The following TAAR1 variants were observed in gnomAD, a reference collection of about 807,000 sequenced individuals.
TAAR1 encodes trace amine-associated receptor 1.
In TAAR1, 1 loss-of-function variant was observed where a neutral mutation model predicts 1.2. That is an observed-to-expected ratio of 0.81 (90% CI 0.29 to 3.86). TAAR1 has a LOEUF of 3.86. Among genes scored for constraint, TAAR1 ranks in the 30% most tolerant of loss-of-function variants. TAAR1 has a pLI of 0.18. For missense variants in TAAR1, 445 were observed against 405.6 expected (o/e 1.10, Z -0.83); for synonymous variants, 153 against 132.2 (o/e 1.16, Z -1.08).
chr6:132,647,660 GAA>G (rs1161172846), intron 1 of TAAR1, among the ~76,000 whole-genome samples: 2 of 146,332 alleles, frequency 1.4e-5, no homozygotes, highest in Admixed American at 1.4e-4. Context: ...AAGAAAGAAA[GAA>G]AGAAAGAAAG....
intron 1 of TAAR1, among the ~76,000 whole-genome samples, chr6:132,648,590 G>A (rs1777714113): frequency 1.3e-5 from 2 of 152,140 alleles, no homozygotes; most frequent in Admixed American, 6.6e-5. Context: ...TTGATAGTAT[G>A]AATGCCACAT....
intron 1 of TAAR1, among the ~76,000 whole-genome samples, chr6:132,652,306 CT>C (rs11458413): frequency 0.076 from 10,627 of 139,784 alleles, 454 homozygotes; most frequent in East Asian, 0.11. Flanking sequence ...AGATATTCTG[CT>C]TTTTTTTTTT....
In TAAR1 at chr6:132,645,407, A is replaced by C. The variant is rs1444318017; in HGVS notation, c.597T>G (p.Phe199Leu). The change falls in exon 2 of 2, where the codon TTT becomes TTG. Residue 199 changes from phenylalanine (F) to leucine (L), a missense_variant. Coordinates refer to ENST00000275216, the MANE Select transcript of TAAR1 (RefSeq NM_138327.4). ...ISGVLTFMTS[F>L]YIPGSIMLCV... ...ATAACATAATAGATCCAGGTATATA[A>C]AAAGAAGTCATAAAGGTCAGTACCC... 1.2e-6 allele frequency: 2 copies of C among 1,613,570 alleles called. No homozygotes were observed. Among genetic ancestry groups the C allele is most frequent in the Non-Finnish European group, 1.7e-6 (2 of 1,179,796 alleles).
chr6:132,645,713 T>G lies in TAAR1; in HGVS notation c.291A>C (p.Lys97Asn), dbSNP rs1289210086. Residue 97 changes from lysine to asparagine, a missense_variant, in exon 2 of 2, where the codon AAA (lysine) becomes AAC (asparagine). Transcript: ENST00000275216. ...HCWYFGEVFC[K>N]IHTSTDIMLS... ...GCATAATGTCGGTGCTTGTGTGAATTTTACAGAAGACTTCTCCAAAATACC... is the reference window on the plus strand; with the variant it reads ...GCATAATGTCGGTGCTTGTGTGAATGTTACAGAAGACTTCTCCAAAATACC... 9 of 1,613,632 alleles carry G rather than the reference T, an allele frequency of 5.6e-6. No homozygotes were observed. In the Admixed American group the frequency reaches 1.2e-4, roughly 21 times the overall value.
At chr6:132,646,624 A>AT (rs1308459855) in intron 1 of TAAR1, among the ~76,000 whole-genome samples, 1 of 152,186 alleles carries the variant, frequency 6.6e-6, no homozygotes, top group Non-Finnish European at 1.5e-5. Flanking sequence ...TTTATAATTA[A>AT]TTGTAATAAG....
At chr6:132,654,355 C>G (rs1006658306) in intron 1 of TAAR1, among the ~76,000 whole-genome samples, 3 of 152,166 alleles carry the variant, frequency 2.0e-5, no homozygotes, top group Non-Finnish European at 2.9e-5. Flanking sequence ...CTCTCGTGCT[C>G]TATGTCATGT....
At chr6:132,658,745 C>T (rs1777837156) in intron 1 of TAAR1, among the ~76,000 whole-genome samples, 1 of 152,006 alleles carries the variant, frequency 6.6e-6, no homozygotes, top group Admixed American at 6.6e-5. Flanking sequence ...TAAAACTAGC[C>T]AATGTACACA....
At chr6:132,656,541 G>A (rs1429378768) in intron 1 of TAAR1, among the ~76,000 whole-genome samples, 1 of 152,004 alleles carries the variant, frequency 6.6e-6, no homozygotes, top group Non-Finnish European at 1.5e-5. Flanking sequence ...AACATGTACT[G>A]AGCACAAAAG....
At chr6:132,659,076 C>A (rs1178650497) in intron 1 of TAAR1, among the ~76,000 whole-genome samples, 54 bp downstream of exon 1, 1 of 151,972 alleles carries the variant, frequency 6.6e-6, no homozygotes, top group Non-Finnish European at 1.5e-5. Context: ...CTACTTTAGG[C>A]CTTTGGGTTA....
intron 1 of TAAR1, among the ~76,000 whole-genome samples, chr6:132,657,618 G>A (rs1214524982): frequency 1.3e-5 from 2 of 151,766 alleles, no homozygotes; most frequent in South Asian, 4.2e-4. Context: ...CATAAATAGG[G>A]ATACACACTC....
chr6:132,651,465 A>G (rs1299573051), intron 1 of TAAR1, among the ~76,000 whole-genome samples: 1 of 152,126 alleles, frequency 6.6e-6, no homozygotes, highest in Non-Finnish European at 1.5e-5. Flanking sequence ...TGCTCTCTAT[A>G]TATCTAGAAC....
intron 1 of TAAR1, among the ~76,000 whole-genome samples, chr6:132,655,713 G>T (rs1343786145): frequency 2.6e-5 from 4 of 152,164 alleles, no homozygotes; most frequent in African/African-American, 9.7e-5. Flanking sequence ...GAGAAGCAAA[G>T]ACATAAGCAA....
chr6:132,644,899 C>A lies in TAAR1; in HGVS notation c.*85G>T. 2.7e-6 allele frequency: 3 copies of A among 1,131,488 alleles called. No homozygotes were observed. The highest frequency in any genetic ancestry group is 3.6e-6 in the Non-Finnish European group (3 of 823,352). 70.1% of individuals were successfully genotyped at this position (1,131,488 alleles called of 1,614,324 possible). A position where few individuals can be genotyped will look rare whatever the true frequency, so the allele number is the denominator to read the frequency against. On this transcript the variant is annotated 3_prime_UTR_variant, in exon 2 of 2. Transcript: ENST00000275216. ...CAAGTAACTGATTTAAAAAAAAATC[C>A]ATGTGGTTGGTGCATGTGGTTCGTT...
intron 1 of TAAR1, among the ~76,000 whole-genome samples, chr6:132,651,159 G>T (rs148268227): frequency 6.6e-6 from 1 of 152,052 alleles, no homozygotes; most frequent in Non-Finnish European, 1.5e-5. Context: ...TCACCACCCC[G>T]CTGTGGTTCT....
At chr6:132,646,417 C>T (rs138572771) in intron 1 of TAAR1, among the ~76,000 whole-genome samples, 37 of 152,166 alleles carry the variant, frequency 2.4e-4, no homozygotes, top group African/African-American at 8.4e-4. Flanking sequence ...TCTATGGAAA[C>T]AATCTGTGTC....
At chr6:132,649,000 A>G (rs1036764888) in intron 1 of TAAR1, among the ~76,000 whole-genome samples, 1 of 152,178 alleles carries the variant, frequency 6.6e-6, no homozygotes, top group Non-Finnish European at 1.5e-5. Context: ...TCTGTCTAGC[A>G]AGGCAGGAAA....
In TAAR1 at chr6:132,645,563, A is replaced by T; in HGVS notation, c.441T>A (p.Ser147Arg). 4.3e-6 allele frequency: 7 copies of T among 1,613,702 alleles called. No homozygotes were observed. The highest frequency in any genetic ancestry group is 5.9e-6 in the Non-Finnish European group (7 of 1,179,814). The change falls in exon 2 of 2, where the codon AGT becomes AGA. Residue 147 changes from serine to arginine, a missense_variant. By Grantham distance (110) the Ser-to-Arg change is moderately radical. Transcript: ENST00000275216. ...ATGCAAAAACAGCAGGGACACTCCA[A>T]CTAATGAAGATCATCACACAAATAA... Reference protein sequence around the residue: ...ILVICVMIFISWSVPAVFAFG... With the variant: ...ILVICVMIFIRWSVPAVFAFG...
chr6:132,656,075 T>C (rs928301096), intron 1 of TAAR1, among the ~76,000 whole-genome samples: 4 of 152,092 alleles, frequency 2.6e-5, no homozygotes, highest in African/African-American at 9.7e-5. Context: ...GCTGTTTGGT[T>C]CAAGTCCTGG....
Position 132,647,437 on chromosome 6 carries a change from GA to G in TAAR1, c.-126-1309del, listed in dbSNP as rs200250024. The stretch of plus-strand genomic sequence containing the variant: ...GACATGTACATATATATAAAGAGAA[GA>G]GGGGGGAGAGAGAGAGAAAGGAAGA... On this transcript the variant is annotated intron_variant, in intron 1 of 1. Coordinates refer to ENST00000275216, the MANE Select transcript of TAAR1 (RefSeq NM_138327.4). 2.6e-3 allele frequency among the ~76,000 whole-genome samples: 375 copies of G among 146,666 alleles called. 3 individuals carry two copies. The highest frequency in any genetic ancestry group is 9.1e-3 in the African/African-American group (360 of 39,566).
Sources: allele counts gnomAD v4.1 joint callset (sites outside exome capture counted in the v4.1 genomes callset), GRCh38; gene constraint gnomAD v4.1.1; transcripts MANE v1.5; gene names NCBI Gene and HGNC (gene_info 2026-07-23, HGNC 2026-07-21).